PCNX2: variants seen among roughly 807,000 people sequenced by gnomAD.
PCNX2 encodes the protein pecanex 2.
PCNX2 carries 168 observed loss-of-function variants against 223.8 expected under a neutral mutation model. That is an observed-to-expected ratio of 0.75 (90% CI 0.66 to 0.85). The LOEUF is 0.85. PCNX2 is among the 40% of genes least tolerant of loss of function. The pLI is 0.00. For missense variants in PCNX2, 2,507 were observed against 2,675.5 expected, an observed-to-expected ratio of 0.94 and a Z score of 1.39; for synonymous variants, 1,006 against 1,052.6, an observed-to-expected ratio of 0.96 and a Z score of 0.86.
intron 32 of PCNX2, among the ~76,000 whole-genome samples, chr1:232,997,157 C>T (rs901735010): frequency 2.6e-5 from 4 of 152,176 alleles, no homozygotes; most frequent in African/African-American, 4.8e-5. Context: ...TCCCCAAACC[C>T]TCTTTGGAAA....
the PCNX2 span, among the ~76,000 whole-genome samples, chr1:233,315,991 G>A: frequency 6.6e-6 from 1 of 152,106 alleles, no homozygotes; most frequent in Non-Finnish European, 1.5e-5. Flanking sequence ...TCCTATCTCA[G>A]GTCCAAGGTC....
chr1:233,319,153 G>A, the PCNX2 span, among the ~76,000 whole-genome samples: 2 of 152,130 alleles, frequency 1.3e-5, no homozygotes, highest in Non-Finnish European at 2.9e-5. Flanking sequence ...TAAGACCCTC[G>A]ATGGCAAGGA....
chr1:233,314,713 A>G, the PCNX2 span, among the ~76,000 whole-genome samples: 1 of 152,156 alleles, frequency 6.6e-6, no homozygotes. Context: ...TTTAATTTGA[A>G]ATCTTTGCAT....
chr1:233,163,059 C>T (rs1279326887), intron 17 of PCNX2, among the ~76,000 whole-genome samples: 3 of 151,982 alleles, frequency 2.0e-5, no homozygotes, highest in Non-Finnish European at 2.9e-5. Context: ...ATGAGTATCC[C>T]GTGTAAATAC....
At chr1:233,120,164 C>CAAAAAAAAAAAAAAAAAA (rs1228898502) in intron 21 of PCNX2, among the ~76,000 whole-genome samples, 23 of 42,562 alleles carry the variant, frequency 5.4e-4, no homozygotes, top group Non-Finnish European at 7.2e-4. Context: ...GACTCCATTT[C>CAAAAAAAAAAAAAAAAAA]AAAAAAAAAA....
At chr1:233,233,609 C>G (rs1373012932) in intron 9 of PCNX2, among the ~76,000 whole-genome samples, 1 of 152,048 alleles carries the variant, frequency 6.6e-6, no homozygotes, top group Non-Finnish European at 1.5e-5. Flanking sequence ...CTTGGCTCAC[C>G]TCCTGACCAC....
chr1:232,988,320 A>G (rs1017018720), intron 32 of PCNX2, among the ~76,000 whole-genome samples: 2 of 152,188 alleles, frequency 1.3e-5, no homozygotes, highest in Admixed American at 1.3e-4. Context: ...AAGGGGACAA[A>G]TAACCCACTG....
intron 32 of PCNX2, among the ~76,000 whole-genome samples, chr1:232,987,930 T>G (rs1261449055): frequency 1.3e-5 from 2 of 152,212 alleles, no homozygotes; most frequent in Non-Finnish European, 1.5e-5. Flanking sequence ...CGCCCCACAG[T>G]GCTGGGGGCT....
chr1:233,237,055 A>G, intron 8 of PCNX2, 75 bp from the exon 9 acceptor site: 1 of 1,570,728 alleles, frequency 6.4e-7, no homozygotes, highest in Non-Finnish European at 8.7e-7. Flanking sequence ...CACAAACACA[A>G]GGACAATAGG....
intron 21 of PCNX2, among the ~76,000 whole-genome samples, chr1:233,130,465 T>TTGTG (rs55865610): frequency 0.19 from 25,231 of 136,122 alleles, 2,560 homozygotes; most frequent in East Asian, 0.33. Context: ...CCCCCAACTT[T>TTGTG]TGTGTGTGTG....
intron 10 of PCNX2, among the ~76,000 whole-genome samples, chr1:233,222,941 A>C (rs1300265896): frequency 6.6e-6 from 1 of 152,196 alleles, no homozygotes; most frequent in Non-Finnish European, 1.5e-5. Flanking sequence ...AGATGAGTCC[A>C]AGTTGGTGAT....
intron 21 of PCNX2, among the ~76,000 whole-genome samples, chr1:233,098,816 T>C (rs112886497): frequency 2.6e-4 from 39 of 152,336 alleles, no homozygotes; most frequent in African/African-American, 7.9e-4. Context: ...TCTGGTCATA[T>C]ATTTCTGGAT....
At chr1:233,041,875 T>C (rs780324873) in intron 25 of PCNX2, among the ~76,000 whole-genome samples, 16 of 152,246 alleles carry the variant, frequency 1.1e-4, no homozygotes, top group Non-Finnish European at 2.1e-4. Context: ...CAACCACAGA[T>C]TGCCCACATA....
At chr1:233,218,934 G>A (rs533921401) in intron 10 of PCNX2, among the ~76,000 whole-genome samples, 6 of 152,224 alleles carry the variant, frequency 3.9e-5, no homozygotes, top group South Asian at 2.1e-4. Flanking sequence ...TTTGGTGTCC[G>A]AGTTTACTGT....
At chr1:233,222,561 AAG>A (rs752790871) in intron 10 of PCNX2, among the ~76,000 whole-genome samples, 3 of 152,130 alleles carry the variant, frequency 2.0e-5, no homozygotes, top group Non-Finnish European at 4.4e-5. Flanking sequence ...ATACTATACA[AAG>A]AGAATGAATG....
chr1:233,295,933 T>C (rs555994779), upstream of PCNX2, among the ~76,000 whole-genome samples: 36 of 142,890 alleles, frequency 2.5e-4, no homozygotes, highest in African/African-American at 6.6e-4. This position sits in a 1 kb window ranked among gnomAD's most constrained non-coding sequence, Gnocchi z 4.1. Flanking sequence ...TCTCTCTCTT[T>C]CTTCCTTCCT....
intron 21 of PCNX2, among the ~76,000 whole-genome samples, chr1:233,130,203 G>A (rs919464826): frequency 1.4e-4 from 21 of 151,996 alleles, no homozygotes; most frequent in Non-Finnish European, 1.5e-5. Context: ...CTCTGGACAC[G>A]CCGCCTTTAA....
intron 1 of PCNX2, among the ~76,000 whole-genome samples, chr1:233,269,981 A>T (rs1348398872): frequency 6.6e-6 from 1 of 152,228 alleles, no homozygotes; most frequent in Non-Finnish European, 1.5e-5. Context: ...TATCTGCTTC[A>T]GAGTTAACAG....
rs1047677254 is a variant in PCNX2 at position 232,990,424 on chromosome 1, G to A, written c.5792-3884C>T. ...GGAGGGATTCTGGCCGGGGGATTGG[G>A]GCACCAAGGTCATGATGGTACATTT... is the stretch of plus-strand genomic sequence containing the variant. On this transcript the variant is annotated intron_variant, in intron 32 of 33. Transcript: ENST00000258229. The surrounding 1 kb of genome is among the most constrained non-coding windows in gnomAD (Gnocchi z 4.3). 3.3e-5 allele frequency among the ~76,000 whole-genome samples: 5 copies of A among 152,140 alleles called. No individual in the cohort carries two copies. Among genetic ancestry groups the A allele is most frequent in the African/African-American group, 1.2e-4 (5 of 41,436 alleles).
Sources: allele counts gnomAD v4.1 joint callset (sites outside exome capture counted in the v4.1 genomes callset), GRCh38; gene constraint gnomAD v4.1.1; non-coding constraint Gnocchi (gnomAD v3.1); transcripts MANE v1.5; gene names NCBI Gene and HGNC (gene_info 2026-07-23, HGNC 2026-07-21).